WDR49: variants seen among roughly 807,000 people sequenced by gnomAD.
WDR49 encodes the protein WD repeat domain 49, also known as cilia- and flagella-associated protein 337.
Under a neutral mutation model 119.5 loss-of-function variants are expected in WDR49, and 107 were observed. The observed-to-expected ratio is 0.90, with a 90% CI of 0.77 to 1.05. The LOEUF (loss-of-function observed/expected upper bound fraction) is 1.05. Among genes scored for constraint, WDR49 ranks in the 50% least tolerant of loss-of-function variants. The pLI, the probability that WDR49 is intolerant of heterozygous loss-of-function variation, is 0.00. For synonymous variants in WDR49, 425 were observed against 418.8 expected (o/e 1.01, Z -0.18); for missense variants, 1,240 against 1,220.5 (o/e 1.02, Z -0.24).
Position 167,560,150 on chromosome 3 carries a change from A to G in WDR49, c.1588T>C (p.Cys530Arg), listed in dbSNP as rs1713180778. ...TGQKIKQFTG[C>R]HGNAEISTMA... Reference sequence around the variant, plus strand: ...GTGCTGATTTCTGCGTTGCCGTGGCAACCAGTAAACTGTTTGATTTTCTGC... The same window carrying G: ...GTGCTGATTTCTGCGTTGCCGTGGCGACCAGTAAACTGTTTGATTTTCTGC... The change falls in exon 9 of 19, where the codon TGC (cysteine) becomes CGC (arginine). Residue 530 changes from cysteine to arginine, a missense_variant. Cys to Arg is a radical substitution (Grantham distance 180). Coordinates refer to ENST00000682715, the MANE Select transcript of WDR49 (RefSeq NM_001366157.1). 1 of 1,614,208 alleles carries G rather than the reference A, an allele frequency of 6.2e-7. No individual in the cohort carries two copies. Among genetic ancestry groups the G allele is most frequent in the Non-Finnish European group, 8.5e-7 (1 of 1,180,038 alleles).
chr3:167,494,303 G>A (rs1366252657), intron 18 of WDR49, among the ~76,000 whole-genome samples: 1 of 152,164 alleles, frequency 6.6e-6, no homozygotes, highest in Non-Finnish European at 1.5e-5. Context: ...TAATATTGCT[G>A]CCTTCAGTCT....
chr3:167,595,295 A>G (rs1490574350), intron 7 of WDR49, among the ~76,000 whole-genome samples: 1 of 152,202 alleles, frequency 6.6e-6, no homozygotes, highest in Non-Finnish European at 1.5e-5. Context: ...CATACTGCCC[A>G]AGATAATTTA....
chr3:167,566,323 TGGAAC>T, intron 8 of WDR49, among the ~76,000 whole-genome samples: 1 of 152,180 alleles, frequency 6.6e-6, no homozygotes, highest in Non-Finnish European at 1.5e-5. Flanking sequence ...CAAAAACTGC[TGGAAC>T]CAACCTAAAT....
intron 2 of WDR49, among the ~76,000 whole-genome samples, chr3:167,635,245 T>C (rs765997561): frequency 7.2e-5 from 11 of 151,802 alleles, no homozygotes; most frequent in South Asian, 4.1e-4. Context: ...ATTGTTTTTA[T>C]ATATTTTGCC....
intron 8 of WDR49, chr3:167,575,322 G>C: frequency 1.0e-6 from 1 of 984,674 alleles, no homozygotes; most frequent in South Asian, 4.7e-5. Context: ...CTCCAGGGGA[G>C]CCCTGCTTCT....
intron 15 of WDR49, 97 bp downstream of exon 15, chr3:167,527,723 G>T: frequency 8.1e-7 from 1 of 1,240,624 alleles, no homozygotes; most frequent in Non-Finnish European, 1.1e-6. Context: ...CATGACTAAT[G>T]AACATTAAAC....
At chr3:167,601,430 C>T (rs1715764135) in intron 7 of WDR49, among the ~76,000 whole-genome samples, 1 of 152,096 alleles carries the variant, frequency 6.6e-6, no homozygotes, top group African/African-American at 2.4e-5. Context: ...TCTTCATAAC[C>T]AACTATCTTG....
intron 18 of WDR49, among the ~76,000 whole-genome samples, chr3:167,480,678 C>G (rs1750684124): frequency 6.6e-6 from 1 of 152,046 alleles, no homozygotes; most frequent in African/African-American, 2.4e-5. Context: ...TAATCTGCAG[C>G]TTACAAAATA....
intron 5 of WDR49, among the ~76,000 whole-genome samples, chr3:167,604,814 G>A (rs1715966559): frequency 1.3e-5 from 2 of 152,108 alleles, no homozygotes; most frequent in Admixed American, 1.3e-4. Flanking sequence ...CACTATGTGA[G>A]GGCACAGGTG....
At chr3:167,648,232 A>G (rs1718216988) in intron 2 of WDR49, among the ~76,000 whole-genome samples, 1 of 152,216 alleles carries the variant, frequency 6.6e-6, no homozygotes, top group South Asian at 2.1e-4. Flanking sequence ...ACATGATGCC[A>G]ACATAAGTGC....
chr3:167,533,325 G>A (rs547906309), intron 11 of WDR49, among the ~76,000 whole-genome samples: 3 of 152,078 alleles, frequency 2.0e-5, no homozygotes, highest in African/African-American at 7.2e-5. Context: ...ATTTAACTCT[G>A]CTTGATGCTG....
intron 7 of WDR49, among the ~76,000 whole-genome samples, chr3:167,578,954 A>T (rs1158642600): frequency 6.6e-6 from 1 of 152,128 alleles, no homozygotes; most frequent in African/African-American, 2.4e-5. Flanking sequence ...TCAAGTGACA[A>T]TATCATTTTG....
chr3:167,586,164 T>C (rs1315007442), intron 7 of WDR49, among the ~76,000 whole-genome samples: 1 of 152,218 alleles, frequency 6.6e-6, no homozygotes, highest in African/African-American at 2.4e-5. Flanking sequence ...TTGCTTCTGC[T>C]GACCAAATCA....
intron 8 of WDR49, among the ~76,000 whole-genome samples, chr3:167,568,522 C>G (rs939883099): frequency 6.6e-6 from 1 of 152,104 alleles, no homozygotes; most frequent in Non-Finnish European, 1.5e-5. Flanking sequence ...GCAGTGGTTT[C>G]ATTAATTTCT....
At chr3:167,591,267 A>C (rs967792138) in intron 7 of WDR49, among the ~76,000 whole-genome samples, 2 of 152,116 alleles carry the variant, frequency 1.3e-5, no homozygotes, top group African/African-American at 4.8e-5. Context: ...TGATTAGAGA[A>C]GATGCTTGAT....
chr3:167,519,654 G>A (rs1752355759), intron 16 of WDR49, among the ~76,000 whole-genome samples: 1 of 152,000 alleles, frequency 6.6e-6, no homozygotes, highest in African/African-American at 2.4e-5. Context: ...GATGGGGGAG[G>A]GGGAGCATCA....
chr3:167,621,318 A>G (rs894753963), intron 4 of WDR49, 149 bp downstream of exon 4: 2 of 817,070 alleles, frequency 2.4e-6, no homozygotes, highest in Non-Finnish European at 3.5e-6. Context: ...ACAAATTGTG[A>G]CCTAATCCAT....
intron 2 of WDR49, among the ~76,000 whole-genome samples, chr3:167,637,410 T>C (rs1285649639): frequency 6.6e-6 from 1 of 152,026 alleles, no homozygotes; most frequent in African/African-American, 2.4e-5. Flanking sequence ...AAAGTATAGT[T>C]TGAAATCAGG....
At chr3:167,530,020 A>T (rs968726923) in intron 13 of WDR49, among the ~76,000 whole-genome samples, 1 of 152,122 alleles carries the variant, frequency 6.6e-6, no homozygotes, top group Non-Finnish European at 1.5e-5. Context: ...GGGAATACTG[A>T]TAACATTAAA....
Sources: allele counts gnomAD v4.1 joint callset (sites outside exome capture counted in the v4.1 genomes callset), GRCh38; gene constraint gnomAD v4.1.1; transcripts MANE v1.5; gene names NCBI Gene and HGNC (gene_info 2026-07-23, HGNC 2026-07-21).